Variants in UNC13C observed in about 807,000 individuals in gnomAD.
UNC13C encodes unc-13 homolog C.
In UNC13C, 174 loss-of-function variants were observed where a neutral mutation model predicts 245.4. The ratio of observed to expected loss-of-function variants is 0.71; its 90% CI spans 0.63 to 0.80. The LOEUF (loss-of-function observed/expected upper bound fraction) is 0.80, where lower values mean the gene tolerates loss of function less well. Among genes scored for constraint, UNC13C ranks in the 30% least tolerant of loss-of-function variants. UNC13C has a pLI of 0.00. For synonymous variants in UNC13C, 992 were observed against 895.1 expected (o/e 1.11, Z -1.93); for missense variants, 2,829 against 2,602.9 (o/e 1.09, Z -1.89).
intron 2 of UNC13C, among the ~76,000 whole-genome samples, chr15:54,023,512 C>G (rs1036840602): frequency 1.3e-5 from 2 of 152,090 alleles, no homozygotes; most frequent in South Asian, 2.1e-4. Context: ...GGAGGTGATG[C>G]TAGTCACTTG....
At position 54,220,348 on chromosome 15, in the gene UNC13C, A is replaced by G. The variant is rs564813535; in HGVS notation, c.3072-14682A>G. ...ATTCTCAGTAAACTATGGCAAGGAC[A>G]AGGAACCAAACAGCGCATGTTCTCA... On this transcript the variant is annotated intron_variant, in intron 4 of 32. Coordinates refer to ENST00000260323, the MANE Select transcript of UNC13C (RefSeq NM_001080534.3). 6.0e-5 allele frequency among the ~76,000 whole-genome samples: 9 copies of G among 149,658 alleles called. No individual in the cohort carries two copies. In the East Asian group the frequency reaches 1.8e-3, roughly 29 times the overall value.
the UNC13C span, among the ~76,000 whole-genome samples, chr15:53,852,625 C>A: frequency 3.3e-5 from 5 of 152,150 alleles, no homozygotes; most frequent in Admixed American, 2.0e-4. Flanking sequence ...CACTCTCACC[C>A]CTTGCCCCAT....
At chr15:54,278,832 G>A (rs564440510) in intron 10 of UNC13C, among the ~76,000 whole-genome samples, 7 of 151,956 alleles carry the variant, frequency 4.6e-5, no homozygotes, top group South Asian at 2.1e-4. Context: ...TAAAGTAATC[G>A]CTTTCATCAG....
chr15:54,509,108 A>G (rs1335270422), intron 23 of UNC13C, among the ~76,000 whole-genome samples: 1 of 152,188 alleles, frequency 6.6e-6, no homozygotes. Flanking sequence ...CTGAGGCAGG[A>G]GAATTGCTTG....
In UNC13C at chr15:54,448,972, G is replaced by A. The variant is rs376603874; in HGVS notation, c.4933+33905G>A. Among the ~76,000 whole-genome samples the A allele has an allele frequency of 4.6e-5, 7 of 152,296 alleles. 1 individual carries two copies. The highest frequency in any genetic ancestry group is 1.9e-4 in the East Asian group (1 of 5,182). On this transcript the variant is annotated intron_variant, in intron 19 of 32. Transcript: ENST00000260323. ...GGAGCTCTTGCAGGGCAGGCCTGGT[G>A]ATGACAAAATCCCTCAGCATTTGCT...
At chr15:54,147,781 G>GGTGTGTGTGT (rs1372170799) in intron 4 of UNC13C, among the ~76,000 whole-genome samples, 1,735 of 24,568 alleles carry the variant, frequency 0.071, 27 homozygotes, top group African/African-American at 0.14. Flanking sequence ...AGCATTGCAA[G>GGTGTGTGTGT]GTGTGTGCGT....
intron 2 of UNC13C, among the ~76,000 whole-genome samples, chr15:54,074,575 C>T (rs183536469): frequency 6.6e-6 from 1 of 152,236 alleles, no homozygotes; most frequent in Admixed American, 6.5e-5. Flanking sequence ...GTTTGTAGTT[C>T]TCCTTGAAGA....
chr15:54,060,371 T>A (rs1245776841), intron 2 of UNC13C, among the ~76,000 whole-genome samples: 1 of 152,080 alleles, frequency 6.6e-6, no homozygotes, highest in Non-Finnish European at 1.5e-5. Flanking sequence ...GAAAAAATGC[T>A]CATCATCACT....
At chr15:54,369,276 T>C (rs79518460) in intron 17 of UNC13C, among the ~76,000 whole-genome samples, 1,874 of 152,154 alleles carry the variant, frequency 0.012, 27 homozygotes, top group Non-Finnish European at 0.02. Flanking sequence ...AGTTTTGAGC[T>C]GCAGTTATTT....
chr15:54,125,330 G>T (rs1049910325), intron 2 of UNC13C, among the ~76,000 whole-genome samples: 1 of 152,118 alleles, frequency 6.6e-6, no homozygotes, highest in Non-Finnish European at 1.5e-5. Context: ...TGGCATGGTG[G>T]TGGGTGCCTG....
chr15:53,875,873 G>A, the UNC13C span, among the ~76,000 whole-genome samples: 720 of 152,308 alleles, frequency 4.7e-3, 2 homozygotes, highest in Non-Finnish European at 7.2e-3. Flanking sequence ...GGCAGACACT[G>A]CAAGAAGAGT....
chr15:54,070,829 A>T (rs1308887991), intron 2 of UNC13C, among the ~76,000 whole-genome samples: 1 of 152,130 alleles, frequency 6.6e-6, no homozygotes, highest in African/African-American at 2.4e-5. Context: ...GTTTATTAAG[A>T]TCCCAACTCA....
chr15:53,916,283 T>G, the UNC13C span, among the ~76,000 whole-genome samples: 6 of 152,196 alleles, frequency 3.9e-5, no homozygotes, highest in African/African-American at 4.8e-5. Context: ...TGGCAAGATT[T>G]TCAGGTCAAT....
chr15:54,109,286 C>CTCCCT (rs1567020589), intron 2 of UNC13C, among the ~76,000 whole-genome samples: 3 of 68,044 alleles, frequency 4.4e-5, no homozygotes, highest in African/African-American at 1.8e-4. Flanking sequence ...CTCCCCTCCC[C>CTCCCT]TCCCCTCCCT....
rs564506378 is a variant in UNC13C at position 54,344,303 on chromosome 15, G to A, written c.4713+5814G>A. Reference sequence around the variant, plus strand: ...AAACGAACAGTTTATTTCTGTAAGAGAGCTTCGTAGGTAGTTCCCATAAAG... The same window carrying A: ...AAACGAACAGTTTATTTCTGTAAGAAAGCTTCGTAGGTAGTTCCCATAAAG... On this transcript the variant is annotated intron_variant, in intron 17 of 32. Coordinates refer to ENST00000260323, the MANE Select transcript of UNC13C (RefSeq NM_001080534.3). Among the ~76,000 whole-genome samples, 199 of 152,254 alleles carry A rather than the reference G, an allele frequency of 1.3e-3. 1 individual carries two copies. Among genetic ancestry groups the A allele is most frequent in the Non-Finnish European group, 1.0e-3 (68 of 68,034 alleles).
chr15:54,339,694 T>C (rs2038682829), intron 17 of UNC13C, among the ~76,000 whole-genome samples: 1 of 151,942 alleles, frequency 6.6e-6, no homozygotes, highest in South Asian at 2.1e-4. Flanking sequence ...CGTTGATTGA[T>C]GGGCATTTAG....
At chr15:54,012,152 T>C (rs1036335164) in intron 1 of UNC13C, among the ~76,000 whole-genome samples, 10 of 152,190 alleles carry the variant, frequency 6.6e-5, no homozygotes, top group African/African-American at 1.9e-4. Context: ...AGATTATTTA[T>C]TTATGTGGTC....
chr15:54,038,124 A>ATATATATTTTTT, intron 2 of UNC13C, among the ~76,000 whole-genome samples: 3 of 45,040 alleles, frequency 6.7e-5, no homozygotes, highest in Non-Finnish European at 1.0e-4. Flanking sequence ...ATATATATAT[A>ATATATATTTTTT]TTTTTTTTTT....
the UNC13C span, among the ~76,000 whole-genome samples, chr15:53,924,156 G>A: frequency 1.5e-4 from 22 of 151,354 alleles, no homozygotes; most frequent in East Asian, 3.3e-3. Flanking sequence ...GCAGTGAGCC[G>A]AGATCACACC....
Sources: allele counts gnomAD v4.1 joint callset (sites outside exome capture counted in the v4.1 genomes callset), GRCh38; gene constraint gnomAD v4.1.1; transcripts MANE v1.5; gene names NCBI Gene and HGNC (gene_info 2026-07-23, HGNC 2026-07-21).